Variants in CDH13 observed in about 807,000 individuals in gnomAD.
CDH13 encodes the protein cadherin-13.
CDH13 carries 24 observed loss-of-function variants against 63.8 expected under a neutral mutation model. The observed-to-expected ratio is 0.38, with a 90% confidence interval of 0.27 to 0.53. The LOEUF (loss-of-function observed/expected upper bound fraction) is 0.53. CDH13 is among the 20% of genes least tolerant of loss of function. The probability of loss-of-function intolerance (pLI) is 0.85; values close to 1 mark genes in which losing one functional copy is unlikely to be tolerated. For synonymous variants in CDH13, 503 were observed against 355.3 expected, an observed-to-expected ratio of 1.42 and a Z score of -4.67; for missense variants, 1,049 against 903.1, an observed-to-expected ratio of 1.16 and a Z score of -2.07.
At chr16:82,938,457 C>G (rs565075237) in intron 2 of CDH13, among the ~76,000 whole-genome samples, 1 of 152,286 alleles carries the variant, frequency 6.6e-6, no homozygotes, top group South Asian at 2.1e-4. Context: ...AATTTCAATA[C>G]TGAGCTTTTG....
At chr16:83,418,544 C>A (rs1004613672) in intron 6 of CDH13, among the ~76,000 whole-genome samples, 2 of 152,148 alleles carry the variant, frequency 1.3e-5, no homozygotes, top group Admixed American at 1.3e-4. Context: ...AGGCAGACTT[C>A]AAGTTACAAG....
At chr16:83,089,562 A>T (rs1484289820) in intron 3 of CDH13, among the ~76,000 whole-genome samples, 1 of 152,200 alleles carries the variant, frequency 6.6e-6, no homozygotes, top group East Asian at 1.9e-4. Flanking sequence ...TTCAGCAATG[A>T]ACCCCAGGGC....
chr16:83,755,806 G>A (rs951927210), intron 11 of CDH13, among the ~76,000 whole-genome samples: 1 of 149,714 alleles, frequency 6.7e-6, no homozygotes, highest in South Asian at 2.1e-4. Context: ...TTACTGAAGA[G>A]AATATTTCAG....
chr16:83,648,522 TCA>T (rs1912055584), intron 8 of CDH13, among the ~76,000 whole-genome samples: 1 of 152,108 alleles, frequency 6.6e-6, no homozygotes, highest in Non-Finnish European at 1.5e-5. Context: ...GTCTGAATGC[TCA>T]GTCTTTCTGC....
At chr16:82,634,392 T>C (rs189393971) in intron 1 of CDH13, among the ~76,000 whole-genome samples, 1,657 of 152,310 alleles carry the variant, frequency 0.011, 25 homozygotes, top group Non-Finnish European at 0.016. Context: ...GTGGACTGAT[T>C]GCTGTAGGGC....
intron 1 of CDH13, among the ~76,000 whole-genome samples, chr16:82,730,061 G>T (rs566270236): frequency 3.9e-5 from 6 of 152,288 alleles, no homozygotes; most frequent in African/African-American, 1.4e-4. Flanking sequence ...GGAATGCTGT[G>T]GCTGGATTGA....
intron 5 of CDH13, among the ~76,000 whole-genome samples, chr16:83,288,552 T>G (rs1478506521): frequency 6.6e-6 from 1 of 152,172 alleles, no homozygotes; most frequent in East Asian, 1.9e-4. Flanking sequence ...TCCCCCAAGC[T>G]GAAGGAGCCA....
At position 83,088,314 on chromosome 16, in the gene CDH13, A is replaced by G. The variant is rs980041358; in HGVS notation, c.367-37071A>G. On this transcript the variant is annotated intron_variant, in intron 3 of 13. Coordinates refer to ENST00000567109, the MANE Select transcript of CDH13 (RefSeq NM_001257.5). ...GCCTTATTAGGCTTATAACTCACAG[A>G]GCTATGAGTTTAAATGTCAGGGTTG... Among the ~76,000 whole-genome samples the G allele has an allele frequency of 4.6e-5, 7 of 152,262 alleles. No homozygotes were observed. The East Asian group carries it at 7.7e-4, about 17-fold the overall frequency.
At chr16:83,725,821 T>G (rs1910319750) in intron 10 of CDH13, 2 of 152,248 alleles carry the variant, frequency 1.3e-5, no homozygotes, top group Admixed American at 1.3e-4. Flanking sequence ...TCAGTTAACT[T>G]TCTGAGCTGG....
intron 1 of CDH13, among the ~76,000 whole-genome samples, chr16:82,829,963 G>A (rs2038453255): frequency 6.6e-6 from 1 of 152,210 alleles, no homozygotes; most frequent in Non-Finnish European, 1.5e-5. Context: ...TAAAGACGAT[G>A]TTTAGAGTAA....
At position 83,170,973 on chromosome 16, in the gene CDH13, T is replaced by G. The variant is rs1302379668; in HGVS notation, c.483+45472T>G. The stretch of plus-strand genomic sequence containing the variant: ...TCTTCTCCTCTACTCAACCTCCCCA[T>G]CAGTCTTTTTACCCGCCCGCCTCCT... On this transcript the variant is annotated intron_variant, in intron 4 of 13. Transcript: ENST00000567109. 2.0e-5 allele frequency among the ~76,000 whole-genome samples: 3 copies of G among 152,010 alleles called. No individual in the cohort carries two copies. In the East Asian group the frequency reaches 5.8e-4, roughly 29 times the overall value.
At chr16:82,627,256 C>G in intron 1 of CDH13, 119 bp downstream of exon 1, 2 of 815,994 alleles carry the variant, frequency 2.5e-6, no homozygotes, top group East Asian at 2.7e-5. Flanking sequence ...GCGGCGAAGA[C>G]AGATCGGGGC....
At chr16:82,693,851 C>G (rs2029930631) in intron 1 of CDH13, among the ~76,000 whole-genome samples, 3 of 152,146 alleles carry the variant, frequency 2.0e-5, no homozygotes, top group African/African-American at 7.2e-5. Context: ...TTCCAGTGAA[C>G]TCTTAGATTC....
intron 1 of CDH13, among the ~76,000 whole-genome samples, chr16:82,742,140 T>C (rs1405336962): frequency 6.6e-6 from 1 of 152,158 alleles, no homozygotes; most frequent in African/African-American, 2.4e-5. Flanking sequence ...AGGTTTACCA[T>C]GTATGTTCCA....
chr16:83,334,471 A>G (rs2090549695), intron 5 of CDH13, among the ~76,000 whole-genome samples: 2 of 151,524 alleles, frequency 1.3e-5, no homozygotes, highest in Admixed American at 6.6e-5. Context: ...TTCCGGGCTC[A>G]AGTGATCCTC....
At chr16:83,381,010 A>G (rs901192307) in intron 6 of CDH13, among the ~76,000 whole-genome samples, 4 of 152,044 alleles carry the variant, frequency 2.6e-5, no homozygotes, top group African/African-American at 4.8e-5. Context: ...TTAAATAACT[A>G]TGTTCCTATC....
intron 3 of CDH13, among the ~76,000 whole-genome samples, chr16:83,121,435 T>C (rs2035569857): frequency 6.6e-6 from 1 of 152,236 alleles, no homozygotes; most frequent in South Asian, 2.1e-4. Context: ...TGGAGGTCTG[T>C]TGGAAATATT....
intron 2 of CDH13, among the ~76,000 whole-genome samples, chr16:83,022,589 C>A (rs937623802): frequency 6.6e-6 from 1 of 152,236 alleles, no homozygotes; most frequent in African/African-American, 2.4e-5. Context: ...TCCTTCTCTT[C>A]TGTGTGTGCG....
intron 1 of CDH13, among the ~76,000 whole-genome samples, chr16:82,821,547 C>G (rs987042853): frequency 2.0e-5 from 3 of 152,128 alleles, no homozygotes; most frequent in Admixed American, 1.3e-4. Context: ...CAAACCTGGG[C>G]TTGGATGTTG....
Sources: allele counts gnomAD v4.1 joint callset (sites outside exome capture counted in the v4.1 genomes callset), GRCh38; gene constraint gnomAD v4.1.1; transcripts MANE v1.5; gene names NCBI Gene and HGNC (gene_info 2026-07-23, HGNC 2026-07-21).